Variants in HPS5 observed in about 807,000 individuals in gnomAD.
The protein encoded by HPS5 is BLOC-2 complex member HPS5.
A neutral mutation model predicts 128.0 loss-of-function variants in HPS5; 83 were observed. The observed-to-expected ratio is 0.65, with a 90% CI of 0.54 to 0.78. The LOEUF (loss-of-function observed/expected upper bound fraction) is 0.78. Among genes scored for constraint, HPS5 ranks in the 30% least tolerant of loss-of-function variants. The pLI is 0.00. For synonymous variants in HPS5, 475 were observed against 470.2 expected (o/e 1.01, Z -0.13); for missense variants, 1,281 against 1,326.2 (o/e 0.97, Z 0.53).
chr11:18,305,393 C>A, intron 8 of HPS5, 29 bp downstream of exon 8: 1 of 1,421,546 alleles, frequency 7.0e-7, no homozygotes, highest in Non-Finnish European at 9.9e-7. Context: ...TCTTTTTCCC[C>A]CCCAGAACTA....
rs755306193 is a variant in HPS5 at position 18,291,730 on chromosome 11, C to T, written c.2152G>A (p.Asp718Asn). The T allele has an allele frequency of 1.9e-5, 31 of 1,614,084 alleles. No individual in the cohort carries two copies. Among genetic ancestry groups the T allele is most frequent in the Non-Finnish European group, 2.5e-5 (29 of 1,180,036 alleles). ...GGAGAACATATTTGAAACAGGTCAT[C>T]CAAAGACTCCCTTGGACTCCTTACA... ...ECVRSPRESL[D>N]DLFQICSPCA... Residue 718 changes from aspartate (D) to asparagine (N), a missense_variant, in exon 16 of 23, where the codon GAT becomes AAT. Asp to Asn is a conservative substitution (Grantham distance 23). Coordinates refer to ENST00000349215, the MANE Select transcript of HPS5 (RefSeq NM_181507.2).
chr11:18,284,638 C>A (rs547659962), intron 20 of HPS5, among the ~76,000 whole-genome samples: 1 of 152,160 alleles, frequency 6.6e-6, no homozygotes, highest in Admixed American at 6.5e-5. Flanking sequence ...TGTCACCCAC[C>A]ACCTGGCCAG....
intron 14 of HPS5, 56 bp from the exon 15 acceptor site, chr11:18,293,032 C>CGTT: frequency 3.9e-6 from 5 of 1,292,840 alleles, no homozygotes; most frequent in Admixed American, 1.7e-5. Flanking sequence ...GGGATCAGAG[C>CGTT]TTTTTTTGAG....
intron 8 of HPS5, among the ~76,000 whole-genome samples, chr11:18,304,775 G>A (rs977553842): frequency 6.6e-6 from 1 of 152,182 alleles, no homozygotes; most frequent in African/African-American, 2.4e-5. Flanking sequence ...TTTTATTGAT[G>A]AAATAGAGTT....
At chr11:18,282,317 G>T in intron 21 of HPS5, 97 bp from the exon 22 acceptor site, 2 of 1,356,900 alleles carry the variant, frequency 1.5e-6, no homozygotes, top group Non-Finnish European at 2.1e-6. Flanking sequence ...ATGCCAAAAC[G>T]TAAAAATATT....
chr11:18,301,855 G>A (rs1861748950), intron 8 of HPS5, among the ~76,000 whole-genome samples: 1 of 152,138 alleles, frequency 6.6e-6, no homozygotes, highest in Non-Finnish European at 1.5e-5. Flanking sequence ...AGCATGAAAT[G>A]TATACGAGTC....
In HPS5 at chr11:18,311,920, T is replaced by G; in HGVS notation, c.213A>C (p.Ser71=). 1 of 1,607,848 alleles carries G rather than the reference T, an allele frequency of 6.2e-7. No homozygotes were observed. The highest frequency in any genetic ancestry group is 8.5e-7 in the Non-Finnish European group (1 of 1,174,266). The part of the protein sequence containing the change: ...KEGWKHRLFL[S]HREGAISQVA... The stretch of plus-strand genomic sequence containing the variant: ...GAGCTGCCCTTAATCTTACCCTGTG[T>G]GAAAGAAAAAGCCTGTGCTTCCAGC... The change falls in exon 3 of 23, where the codon TCA becomes TCC. Residue 71 remains serine, a synonymous_variant. Transcript: ENST00000349215.
chr11:18,310,928 C>A lies in HPS5; in HGVS notation c.290G>T (p.Gly97Val). 6.2e-7 allele frequency: 1 copy of A among 1,613,998 alleles called. No homozygotes were observed. Among genetic ancestry groups the A allele is most frequent in the Non-Finnish European group, 8.5e-7 (1 of 1,179,906 alleles). ...ATTTAATTCCCAAACAACCACAAGA[C>A]CTTGACTGCAAGAATTGAGTCACAG... is the stretch of plus-strand genomic sequence containing the variant. ...DDYVAVATSQ[G>V]LVVVWELNQE... The change falls in exon 5 of 23, where the codon GGT becomes GTT. Residue 97 changes from glycine to valine, a missense_variant. By Grantham distance (109) the Gly-to-Val change is moderately radical. Coordinates refer to ENST00000349215, the MANE Select transcript of HPS5 (RefSeq NM_181507.2).
At chr11:18,317,416 C>T (rs746767130) in intron 2 of HPS5, among the ~76,000 whole-genome samples, 35 of 151,918 alleles carry the variant, frequency 2.3e-4, no homozygotes, top group East Asian at 3.9e-4. Flanking sequence ...CCACCTTGCC[C>T]GGCTAATTTT....
chr11:18,293,090 C>G, intron 14 of HPS5, 114 bp from the exon 15 acceptor site: 1 of 806,730 alleles, frequency 1.2e-6, no homozygotes, highest in Non-Finnish European at 2.2e-6. Context: ...GACGTGATCT[C>G]GGTTCATTGC....
chr11:18,289,540 G>C (rs1210413434), intron 16 of HPS5, among the ~76,000 whole-genome samples: 2 of 151,398 alleles, frequency 1.3e-5, no homozygotes, highest in African/African-American at 4.9e-5. Context: ...GAAATAGCTT[G>C]TTTCTTATTT....
chr11:18,302,313 T>C (rs146267317), intron 8 of HPS5, among the ~76,000 whole-genome samples: 48 of 152,334 alleles, frequency 3.2e-4, no homozygotes, highest in African/African-American at 1.1e-3. Context: ...CTCCACTTCC[T>C]AATGCTGTTC....
chr11:18,298,794 T>C lies in HPS5; in HGVS notation c.1162A>G (p.Arg388Gly), dbSNP rs1269540350. 1.9e-6 allele frequency: 3 copies of C among 1,614,146 alleles called. No individual in the cohort carries two copies. Among genetic ancestry groups the C allele is most frequent in the African/African-American group, 2.7e-5 (2 of 75,056 alleles). Residue 388 changes from arginine to glycine, a missense_variant and splice_region_variant, in exon 10 of 23, where the codon AGA becomes GGA. Transcript: ENST00000349215. ...TGTCTAGGTAAGCTCTGACTCACTC[T>C]GCTGGCAATGACAGAATTTTGGAAA... The part of the protein sequence containing the change: ...CLFQNSVIAS[R>G]ARKTLTADKL...
intron 2 of HPS5, among the ~76,000 whole-genome samples, chr11:18,316,385 C>T (rs561244899): frequency 2.0e-4 from 31 of 152,018 alleles, no homozygotes; most frequent in Non-Finnish European, 4.0e-4. Context: ...TTTTAGCAAA[C>T]CTTCAGAAGA....
intron 6 of HPS5, among the ~76,000 whole-genome samples, 176 bp from the exon 7 acceptor site, chr11:18,306,523 C>G (rs779014356): frequency 1.1e-4 from 17 of 152,156 alleles, no homozygotes; most frequent in South Asian, 2.1e-4. Context: ...GATTCTGGCT[C>G]TGATTGCCAT....
chr11:18,286,061 C>T (rs531305208), intron 19 of HPS5, among the ~76,000 whole-genome samples: 3 of 152,338 alleles, frequency 2.0e-5, no homozygotes, highest in African/African-American at 7.2e-5. Flanking sequence ...CTGCATTTTT[C>T]TAAAAGGAAT....
chr11:18,295,647 T>C (rs1476960838), intron 13 of HPS5, among the ~76,000 whole-genome samples: 4 of 152,136 alleles, frequency 2.6e-5, no homozygotes, highest in African/African-American at 4.8e-5. Flanking sequence ...TCCCATGGAG[T>C]AGCTAGAAAA....
At position 18,305,486 on chromosome 11, in the gene HPS5, G is replaced by C; in HGVS notation, c.832C>G (p.Pro278Ala). 1 of 1,603,388 alleles carries C rather than the reference G, an allele frequency of 6.2e-7. No individual in the cohort carries two copies. The highest frequency in any genetic ancestry group is 8.5e-7 in the Non-Finnish European group (1 of 1,170,572). Residue 278 changes from proline (P) to alanine (A), a missense_variant, in exon 8 of 23, where the codon CCT (proline) becomes GCT (alanine). Physicochemically the swap from Pro to Ala is conservative, Grantham distance 27. Coordinates refer to ENST00000349215, the MANE Select transcript of HPS5 (RefSeq NM_181507.2). ...GATCCAGCTGTATGATCATACTGAG[G>C]TTCTGATCTAGAAAGTAAACACATC... ...PLPVITLRSE[P>A]QYDHTAGSSQ...
rs117297841 is a variant in HPS5 at position 18,284,381 on chromosome 11, T to G, written c.2952-480A>C. 4.5e-3 allele frequency among the ~76,000 whole-genome samples: 692 copies of G among 152,324 alleles called. 2 individuals are homozygous for G. The highest frequency in any genetic ancestry group is 6.4e-3 in the Non-Finnish European group (433 of 68,026). On this transcript the variant is annotated intron_variant, in intron 20 of 22. Transcript: ENST00000349215. The stretch of plus-strand genomic sequence containing the variant: ...AGTATCAGCATGTCCCACTGCATTT[T>G]CCTTTGAAATGCCCACTGGATGTGC...
Sources: allele counts gnomAD v4.1 joint callset (sites outside exome capture counted in the v4.1 genomes callset), GRCh38; gene constraint gnomAD v4.1.1; transcripts MANE v1.5; gene names NCBI Gene and HGNC (gene_info 2026-07-23, HGNC 2026-07-21).